CNTN6: variants seen among roughly 807,000 people sequenced by gnomAD.
CNTN6 encodes the protein contactin 6.
A neutral mutation model predicts 122.8 loss-of-function variants in CNTN6; 137 were observed. The observed-to-expected ratio is 1.12, with a 90% CI of 0.97 to 1.29. The LOEUF is 1.29. Among genes scored for constraint, CNTN6 ranks in the 50% most tolerant of loss-of-function variants. The pLI, the probability that CNTN6 is intolerant of heterozygous loss-of-function variation, is 0.00. For missense variants in CNTN6, 1,634 were observed against 1,223.4 expected (o/e 1.34, Z -5.01); for synonymous variants, 570 against 426.0 (o/e 1.34, Z -4.16).
chr3:1,212,210 C>T (rs1178690626), intron 2 of CNTN6, among the ~76,000 whole-genome samples: 1 of 150,310 alleles, frequency 6.7e-6, no homozygotes, highest in Non-Finnish European at 1.5e-5. Flanking sequence ...TTTTCAGTGT[C>T]TACCTATTCC....
intron 5 of CNTN6, among the ~76,000 whole-genome samples, chr3:1,285,239 G>T (rs1694134791): frequency 6.6e-6 from 1 of 152,156 alleles, no homozygotes; most frequent in African/African-American, 2.4e-5. Flanking sequence ...TTGAATGTGG[G>T]TTATAAGAGA....
intron 2 of CNTN6, among the ~76,000 whole-genome samples, chr3:1,158,753 T>TACACAC (rs1366979072): frequency 7.2e-6 from 1 of 138,608 alleles, no homozygotes; most frequent in Non-Finnish European, 1.5e-5. Flanking sequence ...TATATATATA[T>TACACAC]ACATATATAT....
chr3:1,332,683 C>G (rs559102004), intron 11 of CNTN6, among the ~76,000 whole-genome samples: 2 of 151,988 alleles, frequency 1.3e-5, no homozygotes, highest in South Asian at 4.2e-4. Context: ...CTGACTTTGG[C>G]AAAGTCATTT....
At chr3:1,163,602 C>G (rs576389780) in intron 2 of CNTN6, among the ~76,000 whole-genome samples, 16 of 152,238 alleles carry the variant, frequency 1.1e-4, no homozygotes, top group African/African-American at 3.6e-4. Context: ...TACTACTTTA[C>G]AGATGAGGTT....
At chr3:1,251,335 A>C (rs1349491931) in intron 4 of CNTN6, among the ~76,000 whole-genome samples, 1 of 152,006 alleles carries the variant, frequency 6.6e-6, no homozygotes, top group Non-Finnish European at 1.5e-5. Flanking sequence ...CAGTCCATGG[A>C]CTCCAGCAAT....
intron 11 of CNTN6, among the ~76,000 whole-genome samples, chr3:1,337,999 C>T (rs939209590): frequency 7.9e-5 from 12 of 152,132 alleles, no homozygotes; most frequent in East Asian, 3.9e-4. Context: ...GAAAAAGCTC[C>T]GGTTCATTAA....
intron 4 of CNTN6, among the ~76,000 whole-genome samples, chr3:1,277,353 T>C (rs4684105): frequency 0.031 from 566 of 18,242 alleles, 8 homozygotes; most frequent in African/African-American, 0.087. Flanking sequence ...TTTCTTTTTT[T>C]TTTTTTTTTT....
intron 4 of CNTN6, among the ~76,000 whole-genome samples, chr3:1,245,794 A>G (rs986344900): frequency 2.6e-5 from 4 of 152,156 alleles, no homozygotes; most frequent in Non-Finnish European, 5.9e-5. Context: ...ATGGAAATCC[A>G]TTGAAATGTT....
chr3:1,181,719 T>C (rs1180847385), intron 2 of CNTN6, among the ~76,000 whole-genome samples: 1 of 152,144 alleles, frequency 6.6e-6, no homozygotes, highest in Non-Finnish European at 1.5e-5. Context: ...CTGGTTTGTG[T>C]GTTAAGGATT....
intron 3 of CNTN6, among the ~76,000 whole-genome samples, chr3:1,226,666 A>C (rs902211737): frequency 6.6e-6 from 1 of 152,168 alleles, no homozygotes; most frequent in African/African-American, 2.4e-5. Flanking sequence ...TCTACTCTTC[A>C]TCAAAACTAG....
In CNTN6 at chr3:1,277,346, C is replaced by CTTTTTTTTTTTTTTTTT. The variant is rs10599744; in HGVS notation, c.359-1052_359-1036dup. 1.5e-4 allele frequency among the ~76,000 whole-genome samples: 12 copies of CTTTTTTTTTTTTTTTTT among 80,192 alleles called. 3 individuals carry two copies. Among genetic ancestry groups the CTTTTTTTTTTTTTTTTT allele is most frequent in the East Asian group, 7.5e-4 (2 of 2,678 alleles). The allele number at this position is 80,192 out of a possible 152,430, so 52.6% of individuals were successfully genotyped here. On this transcript the variant is annotated intron_variant, in intron 4 of 22. Coordinates refer to ENST00000446702, the MANE Select transcript of CNTN6 (RefSeq NM_001289080.2). Reference sequence around the variant, plus strand: ...CTACTTCTGTCTTTTAGTAGGTTTTCTTTTTTTTTTTTTTTTTTTTTTTTT... The same window carrying CTTTTTTTTTTTTTTTTT: ...CTACTTCTGTCTTTTAGTAGGTTTTCTTTTTTTTTTTTTTTTTTTTTTTTTTTTTTTTTTTTTTTTTT...
chr3:1,390,054 GT>G (rs1291393836), intron 20 of CNTN6, among the ~76,000 whole-genome samples: 1 of 151,924 alleles, frequency 6.6e-6, no homozygotes, highest in Non-Finnish European at 1.5e-5. Flanking sequence ...TCTGCACCAA[GT>G]GGACCTAATA....
At chr3:1,338,985 G>A (rs1703496007) in intron 11 of CNTN6, among the ~76,000 whole-genome samples, 1 of 151,156 alleles carries the variant, frequency 6.6e-6, no homozygotes, top group Non-Finnish European at 1.5e-5. Flanking sequence ...TCCAGTAGAA[G>A]AAATAAAAGC....
intron 1 of CNTN6, among the ~76,000 whole-genome samples, chr3:1,113,451 G>A (rs1020776740): frequency 6.6e-6 from 1 of 152,158 alleles, no homozygotes. Context: ...TATGAAAAAT[G>A]TGAGACTGGG....
intron 2 of CNTN6, among the ~76,000 whole-genome samples, chr3:1,188,431 A>G (rs1013263718): frequency 1.3e-5 from 2 of 152,220 alleles, no homozygotes; most frequent in Admixed American, 6.5e-5. Context: ...GCAGAAGTTG[A>G]TAATGCAATT....
intron 1 of CNTN6, among the ~76,000 whole-genome samples, chr3:1,144,944 G>T (rs1383469570): frequency 1.3e-5 from 2 of 152,190 alleles, no homozygotes; most frequent in Non-Finnish European, 2.9e-5. Context: ...GGCTTTGCAG[G>T]CCTCCGGAGG....
intron 11 of CNTN6, among the ~76,000 whole-genome samples, chr3:1,345,069 TGGACAGG>T (rs1704463679): frequency 6.6e-6 from 1 of 152,142 alleles, no homozygotes; most frequent in African/African-American, 2.4e-5. Flanking sequence ...GAATTTTGCC[TGGACAGG>T]GGTATCAGAT....
chr3:1,117,236 A>G (rs770550144), intron 1 of CNTN6, among the ~76,000 whole-genome samples: 1 of 152,146 alleles, frequency 6.6e-6, no homozygotes, highest in Non-Finnish European at 1.5e-5. Context: ...AAAATTAGAA[A>G]AATGAATCTC....
At chr3:1,253,702 C>T (rs1173401310) in intron 4 of CNTN6, among the ~76,000 whole-genome samples, 1 of 152,106 alleles carries the variant, frequency 6.6e-6, no homozygotes, top group East Asian at 1.9e-4. Flanking sequence ...CAATAGGGTT[C>T]ACACTCCTAT....
Sources: gnomAD v4.1 joint callset for allele counts (sites outside exome capture counted in the v4.1 genomes callset) on GRCh38, gnomAD v4.1.1 for gene constraint, MANE v1.5 for transcripts, NCBI Gene and HGNC (gene_info 2026-07-23, HGNC 2026-07-21) for gene names.